The following TM2D3 variants were observed in gnomAD, a reference collection of about 807,000 sequenced individuals.
The protein encoded by TM2D3 is TM2 domain containing 3, also known as TM2 domain-containing protein 3.
In TM2D3, 33 loss-of-function variants were observed where a neutral mutation model predicts 27.3. The ratio of observed to expected loss-of-function variants is 1.21; its 90% CI spans 0.92 to 1.61. The LOEUF is 1.61. Ranked by LOEUF, TM2D3 falls within the 40% of genes most tolerant of loss-of-function variation. The pLI is 0.00. For synonymous variants in TM2D3, 138 were observed against 122.2 expected, an observed-to-expected ratio of 1.13 and a Z score of -0.85; for missense variants, 364 against 320.8, an observed-to-expected ratio of 1.13 and a Z score of -1.03.
downstream of TM2D3, among the ~76,000 whole-genome samples, chr15:101,638,779 G>A (rs1174872072): frequency 2.6e-5 from 4 of 152,174 alleles, no homozygotes; most frequent in Non-Finnish European, 5.9e-5. Flanking sequence ...TGGGCAGGAA[G>A]GAGGTGCTGG....
At chr15:101,650,401 C>T (rs1896938661) in intron 2 of TM2D3, 1 of 377,034 alleles carries the variant, frequency 2.7e-6, no homozygotes, top group East Asian at 4.1e-5. Flanking sequence ...CCCACGTGGC[C>T]GTGAAAACTA....
chr15:101,645,992 T>C (rs1284450112), intron 4 of TM2D3: 2 of 152,210 alleles, frequency 1.3e-5, no homozygotes, highest in Admixed American at 6.5e-5. Flanking sequence ...AATACAGCCA[T>C]TTAAAGAATG....
chr15:101,644,605 A>G (rs1325277819), intron 5 of TM2D3, among the ~76,000 whole-genome samples: 1 of 152,232 alleles, frequency 6.6e-6, no homozygotes, highest in African/African-American at 2.4e-5. Flanking sequence ...AAGAACTGCT[A>G]TAATTTCTTA....
At chr15:101,651,352 C>T in intron 2 of TM2D3, 1 of 262,250 alleles carries the variant, frequency 3.8e-6, no homozygotes, top group Admixed American at 5.1e-5. Context: ...CTTTAATATT[C>T]CAACATCAGG....
rs1475454066 is a variant in TM2D3 at position 101,651,655 on chromosome 15, G to A, written c.169+41C>T. ...ATAAAAACAAAGAGAAACTACTAGA[G>A]ATAACTACATGTATTTACTAGAATA... On this transcript the variant is annotated intron_variant, in intron 2 of 5. Coordinates refer to ENST00000333202, the MANE Select transcript of TM2D3 (RefSeq NM_078474.3). 1.2e-5 allele frequency: 19 copies of A among 1,564,494 alleles called. 1 individual carries two copies. Among genetic ancestry groups the A allele is most frequent in the East Asian group, 4.5e-5 (2 of 44,642 alleles).
chr15:101,639,690 AGTTG>A (rs1896625545), downstream of TM2D3, among the ~76,000 whole-genome samples: 1 of 152,212 alleles, frequency 6.6e-6, no homozygotes, highest in Non-Finnish European at 1.5e-5. Flanking sequence ...ACCATAAACC[AGTTG>A]TTCCTCAGCA....
intron 3 of TM2D3, among the ~76,000 whole-genome samples, chr15:101,647,952 C>T (rs773934731): frequency 3.9e-5 from 6 of 151,918 alleles, no homozygotes; most frequent in Non-Finnish European, 8.8e-5. Flanking sequence ...GGCTGGAATG[C>T]GGTGGTGCAA....
intron 2 of TM2D3, 40 bp from the exon 3 acceptor site, chr15:101,650,201 T>C: frequency 6.3e-7 from 1 of 1,578,404 alleles, no homozygotes; most frequent in Non-Finnish European, 8.6e-7. Flanking sequence ...CCTATAATAC[T>C]GATTCGAATA....
chr15:101,639,123 A>G (rs1896612533), downstream of TM2D3, among the ~76,000 whole-genome samples: 1 of 152,204 alleles, frequency 6.6e-6, no homozygotes, highest in Admixed American at 6.5e-5. Context: ...ATTTAAATCA[A>G]ATTTGCCTAG....
At chr15:101,633,898 T>C (rs1200500258) in intron 4 of TM2D3, 1 of 494,156 alleles carries the variant, frequency 2.0e-6, no homozygotes, top group Non-Finnish European at 3.5e-6. Context: ...GACTCAGACA[T>C]TGGGATTACC....
chr15:101,637,257 G>A (rs1896571134), downstream of TM2D3, among the ~76,000 whole-genome samples: 1 of 152,286 alleles, frequency 6.6e-6, no homozygotes, highest in Non-Finnish European at 1.5e-5. Context: ...GGAGACCAAG[G>A]TTCTTATCAT....
intron 1 of TM2D3, chr15:101,652,012 G>T: frequency 1.7e-6 from 1 of 583,896 alleles, no homozygotes; most frequent in Non-Finnish European, 3.0e-6. Flanking sequence ...CCGCCTCCCC[G>T]GCCCAGCCCC....
At position 101,646,759 on chromosome 15, in the gene TM2D3, G is replaced by T. The variant is rs1001752908; in HGVS notation, c.468C>A (p.Ala156=). 5.6e-6 allele frequency: 9 copies of T among 1,614,106 alleles called. No homozygotes were observed. The highest frequency in any genetic ancestry group is 7.6e-6 in the Non-Finnish European group (9 of 1,180,054). The change falls in exon 4 of 6, where the codon GCC becomes GCA. Residue 156 remains alanine, a synonymous_variant. Coordinates refer to ENST00000333202, the MANE Select transcript of TM2D3 (RefSeq NM_078474.3). ...GGACGTGGTCCCGCACCGTGCAGTT[G>T]GCAGGGTAGCGCTGCCGAGGACAGG... ...TVSCPRQRYP[A]NCTVRDHVHC... is the part of the protein sequence containing the mutation.
chr15:101,646,873 G>A lies in TM2D3; in HGVS notation c.354C>T (p.Asn118=), dbSNP rs1157103470. 9.3e-6 allele frequency: 15 copies of A among 1,614,072 alleles called. No homozygotes were observed. Among genetic ancestry groups the A allele is most frequent in the Non-Finnish European group, 1.3e-5 (15 of 1,180,050 alleles). ...CVDQDFKSQK[N]FIINMTCRFC... ...ATCTGCAAGTCATGTTAATGATGAA[G>A]TTCTTTTGGGATTTGAAGTCTTGAT... The change falls in exon 4 of 6, where the codon AAC becomes AAT. Residue 118 remains asparagine (N), a synonymous_variant. Transcript: ENST00000333202.
At chr15:101,652,186 C>T (rs993684922) in intron 1 of TM2D3, 85 bp downstream of exon 1, 4 of 1,265,184 alleles carry the variant, frequency 3.2e-6, no homozygotes, top group Non-Finnish European at 4.5e-6. Flanking sequence ...CGTCAGCGTC[C>T]GCCCGTGGGC....
chr15:101,644,743 A>G (rs1192870440), intron 5 of TM2D3, among the ~76,000 whole-genome samples: 1 of 152,196 alleles, frequency 6.6e-6, no homozygotes, highest in African/African-American at 2.4e-5. Flanking sequence ...TCCAGTTTTC[A>G]GTGTTCATCA....
chr15:101,642,196 CAA>C lies in TM2D3; in HGVS notation c.*281_*282del. On this transcript the variant is annotated 3_prime_UTR_variant, in exon 6 of 6. Transcript: ENST00000333202. Reference sequence around the variant, plus strand: ...GTAGTTTGACTTGGGCAATACAAAACAAAAGTCATAGGAATTAAATGGATTTT... The same window carrying C: ...GTAGTTTGACTTGGGCAATACAAAACAAGTCATAGGAATTAAATGGATTTT... 1 of 1,080,772 alleles carries C rather than the reference CAA, an allele frequency of 9.3e-7. No individual in the cohort carries two copies. The highest frequency in any genetic ancestry group is 1.1e-6 in the Non-Finnish European group (1 of 892,260). The allele number at this position is 1,080,772 out of a possible 1,614,324, so 66.9% of individuals were successfully genotyped here.
intron 1 of TM2D3, 89 bp from the exon 2 acceptor site, chr15:101,651,862 C>A: frequency 1.5e-6 from 2 of 1,350,246 alleles, no homozygotes; most frequent in South Asian, 2.3e-5. Context: ...GGGTCTACAC[C>A]AGGCCAATAA....
At chr15:101,646,954 TGTCAGTAAGACTACACA>T (rs1399283541) in intron 3 of TM2D3, 55 bp from the exon 4 acceptor site, 1 of 1,595,970 alleles carries the variant, frequency 6.3e-7, no homozygotes, top group Non-Finnish European at 8.6e-7. Context: ...TCTGTTAAGA[TGTCAGTAAGACTACACA>T]GTCACATGGC....
Sources: allele counts gnomAD v4.1 joint callset (sites outside exome capture counted in the v4.1 genomes callset), GRCh38; gene constraint gnomAD v4.1.1; transcripts MANE v1.5; gene names NCBI Gene and HGNC (gene_info 2026-07-23, HGNC 2026-07-21).